ANGPT1: variants seen among roughly 807,000 people sequenced by gnomAD.
The protein encoded by ANGPT1 is angiopoietin-1.
ANGPT1 carries 17 observed loss-of-function variants against 62.2 expected under a neutral mutation model. The observed-to-expected ratio is 0.27, with a 90% CI of 0.19 to 0.41. The LOEUF (loss-of-function observed/expected upper bound fraction) is 0.41, where lower values mean the gene tolerates loss of function less well. Among genes scored for constraint, ANGPT1 ranks in the 10% least tolerant of loss-of-function variants. ANGPT1 has a pLI of 1.00. For synonymous variants in ANGPT1, 199 were observed against 198.9 expected, an observed-to-expected ratio of 1.00 and a Z score of 0.00; for missense variants, 478 against 594.9, an observed-to-expected ratio of 0.80 and a Z score of 2.04.
At chr8:107,474,610 AAG>A (rs1176552937) in intron 1 of ANGPT1, among the ~76,000 whole-genome samples, 1 of 152,294 alleles carries the variant, frequency 6.6e-6, no homozygotes, top group East Asian at 1.9e-4. Flanking sequence ...GAAAGAAATA[AAG>A]GGTATTCAAT....
At chr8:107,349,304 C>T (rs1434416712) in intron 1 of ANGPT1, among the ~76,000 whole-genome samples, 2 of 152,096 alleles carry the variant, frequency 1.3e-5, no homozygotes. Context: ...ATCTAACAGT[C>T]TCCCATTGAG....
intron 1 of ANGPT1, among the ~76,000 whole-genome samples, chr8:107,446,391 T>C (rs1490325505): frequency 6.6e-6 from 1 of 152,216 alleles, no homozygotes; most frequent in Non-Finnish European, 1.5e-5. Flanking sequence ...AATAGCCCCA[T>C]GTGGCTAGCT....
intron 1 of ANGPT1, among the ~76,000 whole-genome samples, chr8:107,469,433 G>T (rs1003772961): frequency 1.3e-5 from 2 of 151,886 alleles, no homozygotes; most frequent in Admixed American, 1.3e-4. Context: ...TGCTTGGGGG[G>T]TACACATGAT....
At chr8:107,313,543 C>T (rs1403160557) in intron 4 of ANGPT1, among the ~76,000 whole-genome samples, 2 of 137,948 alleles carry the variant, frequency 1.4e-5, no homozygotes, top group Non-Finnish European at 3.0e-5. Context: ...AGGTTTCTGC[C>T]ATTCTCCTGC....
intron 1 of ANGPT1, among the ~76,000 whole-genome samples, chr8:107,383,200 A>G (rs1816672487): frequency 6.6e-6 from 1 of 152,152 alleles, no homozygotes; most frequent in Non-Finnish European, 1.5e-5. Flanking sequence ...AGCAGCTTGT[A>G]TTTTTAGTGA....
intron 6 of ANGPT1, among the ~76,000 whole-genome samples, chr8:107,291,967 T>C (rs184485487): frequency 2.7e-5 from 4 of 150,448 alleles, no homozygotes; most frequent in South Asian, 2.1e-4. Flanking sequence ...GTTTTGTTCA[T>C]ACTTGGTCAA....
At chr8:107,274,329 G>A (rs1813809295) in intron 7 of ANGPT1, among the ~76,000 whole-genome samples, 1 of 152,098 alleles carries the variant, frequency 6.6e-6, no homozygotes, top group African/African-American at 2.4e-5. Context: ...GCTGGATAAA[G>A]CAATGAAGGC....
At chr8:107,480,153 G>C (rs994365983) in intron 1 of ANGPT1, among the ~76,000 whole-genome samples, 2 of 152,126 alleles carry the variant, frequency 1.3e-5, no homozygotes, top group Admixed American at 6.5e-5. Flanking sequence ...AATGGTGACT[G>C]TTCCAGTCAC....
intron 4 of ANGPT1, among the ~76,000 whole-genome samples, chr8:107,316,506 C>T (rs1292268440): frequency 1.3e-5 from 2 of 152,152 alleles, no homozygotes; most frequent in Non-Finnish European, 2.9e-5. Flanking sequence ...TGGCTTGTGT[C>T]AAGTATTTGC....
intron 3 of ANGPT1, among the ~76,000 whole-genome samples, chr8:107,330,132 G>A (rs940547354): frequency 6.6e-6 from 1 of 152,162 alleles, no homozygotes; most frequent in Non-Finnish European, 1.5e-5. Context: ...ATAACATCAT[G>A]TGTTCAGTGT....
intron 1 of ANGPT1, among the ~76,000 whole-genome samples, chr8:107,390,640 G>A (rs921225456): frequency 9.3e-5 from 14 of 150,638 alleles, no homozygotes; most frequent in African/African-American, 2.9e-4. Context: ...TAGAAGGAGG[G>A]TTTTACTATT....
chr8:107,398,121 T>C (rs905190648), intron 1 of ANGPT1, among the ~76,000 whole-genome samples: 1 of 152,204 alleles, frequency 6.6e-6, no homozygotes, highest in Non-Finnish European at 1.5e-5. Context: ...GGATGATTTG[T>C]ATGTATTTTA....
intron 1 of ANGPT1, among the ~76,000 whole-genome samples, chr8:107,373,228 T>C (rs546474110): frequency 2.6e-5 from 4 of 152,126 alleles, no homozygotes; most frequent in African/African-American, 7.2e-5. Flanking sequence ...CTCTCTTAAG[T>C]GGTCATTAAC....
intron 1 of ANGPT1, among the ~76,000 whole-genome samples, chr8:107,398,120 G>A (rs1816970807): frequency 6.6e-6 from 1 of 152,170 alleles, no homozygotes; most frequent in Admixed American, 6.5e-5. Flanking sequence ...TGGATGATTT[G>A]TATGTATTTT....
At chr8:107,325,310 T>C (rs1030737766) in intron 3 of ANGPT1, among the ~76,000 whole-genome samples, 3 of 152,220 alleles carry the variant, frequency 2.0e-5, no homozygotes, top group African/African-American at 7.2e-5. Context: ...TATTTACTTT[T>C]CTTGCTAGTC....
At chr8:107,377,510 TCTCA>T (rs1230731207) in intron 1 of ANGPT1, among the ~76,000 whole-genome samples, 1 of 152,200 alleles carries the variant, frequency 6.6e-6, no homozygotes, top group African/African-American at 2.4e-5. Context: ...AAGATAGTAA[TCTCA>T]CTGAAGGAGA....
intron 1 of ANGPT1, among the ~76,000 whole-genome samples, chr8:107,455,713 C>T (rs1019939473): frequency 6.6e-6 from 1 of 151,908 alleles, no homozygotes; most frequent in Non-Finnish European, 1.5e-5. Context: ...ATTTTGTTTT[C>T]GTTGTTAAAT....
chr8:107,416,568 A>C (rs543114556), intron 1 of ANGPT1, among the ~76,000 whole-genome samples: 3 of 152,092 alleles, frequency 2.0e-5, no homozygotes, highest in Non-Finnish European at 4.4e-5. Context: ...TTGGCCTTTT[A>C]TGGAAACCTC....
chr8:107,345,174 T>C (rs1185771446), intron 2 of ANGPT1, among the ~76,000 whole-genome samples: 1 of 152,224 alleles, frequency 6.6e-6, no homozygotes, highest in African/African-American at 2.4e-5. Context: ...ATTTTTGAAA[T>C]GTTTTCTGGG....
Sources: gnomAD v4.1 joint callset for allele counts (sites outside exome capture counted in the v4.1 genomes callset) on GRCh38, gnomAD v4.1.1 for gene constraint, MANE v1.5 for transcripts, NCBI Gene and HGNC (gene_info 2026-07-23, HGNC 2026-07-21) for gene names.